PAK3: variants seen among roughly 807,000 people sequenced by gnomAD.
PAK3 encodes p21 (RAC1) activated kinase 3.
PAK3 carries 4 observed loss-of-function variants against 41.0 expected under a neutral mutation model. The ratio of observed to expected loss-of-function variants is 0.10; its 90% confidence interval spans 0.05 to 0.22. PAK3 has a LOEUF of 0.22. Among genes scored for constraint, PAK3 ranks in the 10% least tolerant of loss-of-function variants. PAK3 has a pLI of 1.00. For synonymous variants in PAK3, 146 were observed against 139.6 expected, an observed-to-expected ratio of 1.05 and a Z score of -0.32; for missense variants, 205 against 409.9, an observed-to-expected ratio of 0.50 and a Z score of 4.32.
chrX:110,996,570 G>T (rs2091743774), intron 1 of PAK3, among the ~76,000 whole-genome samples: 1 of 111,865 alleles, frequency 8.9e-6, no homozygotes, highest in Admixed American at 9.5e-5. Flanking sequence ...GAGGTCATGA[G>T]GGTGGGGCTT....
chrX:111,138,901 G>A (rs2093831102), intron 5 of PAK3, among the ~76,000 whole-genome samples: 1 of 110,590 alleles, frequency 9.0e-6, no homozygotes, highest in Admixed American at 9.7e-5. Context: ...CCGGGAGGCG[G>A]AGTTTGTAGT....
chrX:111,201,566 G>A lies in PAK3; in HGVS notation c.1407+4926G>A, dbSNP rs779658285. 2.7e-5 allele frequency among the ~76,000 whole-genome samples: 3 copies of A among 111,644 alleles called. No homozygotes were observed. The South Asian group carries it at 1.1e-3, about 42-fold the overall frequency. On this transcript the variant is annotated intron_variant, in intron 16 of 17. Coordinates refer to ENST00000372007, the MANE Select transcript of PAK3 (RefSeq NM_002578.5). ...AGGTAGAAGGAAGGAAGTGAAATAA[G>A]TGTAAGAAAGACAGAGTAGTAGAGT...
intron 6 of PAK3, among the ~76,000 whole-genome samples, chrX:111,143,611 C>A (rs1450197898): frequency 9.0e-6 from 1 of 111,098 alleles, no homozygotes; most frequent in Non-Finnish European, 1.9e-5. Flanking sequence ...GATACTCCAA[C>A]CTTGCTATTA....
At chrX:111,068,166 A>AT (rs2092714780) in intron 1 of PAK3, among the ~76,000 whole-genome samples, 1 of 111,151 alleles carries the variant, frequency 9.0e-6, no homozygotes, top group South Asian at 3.7e-4. Flanking sequence ...ATTTTTTCAT[A>AT]TTAGTATTTA....
At chrX:111,047,147 T>TATCTATATAC (rs1429698774) in intron 1 of PAK3, among the ~76,000 whole-genome samples, 1 of 112,344 alleles carries the variant, frequency 8.9e-6, no homozygotes, top group African/African-American at 3.2e-5. Context: ...TATCTGTATA[T>TATCTATATAC]AGAGGAAGCT....
chrX:110,983,480 C>CAGAGAGCGAGAG (rs2091482398), intron 1 of PAK3, among the ~76,000 whole-genome samples: 1 of 99,609 alleles, frequency 1.0e-5, no homozygotes, highest in African/African-American at 3.7e-5. Context: ...AAGAGAAAGA[C>CAGAGAGCGAGAG]AGAGAGAGAG....
intron 16 of PAK3, among the ~76,000 whole-genome samples, chrX:111,208,971 G>A (rs1247800977): frequency 1.8e-5 from 2 of 109,925 alleles, no homozygotes; most frequent in Admixed American, 1.9e-4. Flanking sequence ...TAGACAGTGG[G>A]CAATATACAA....
intron 1 of PAK3, among the ~76,000 whole-genome samples, chrX:110,971,094 A>G (rs999947842): frequency 8.9e-6 from 1 of 112,401 alleles, no homozygotes; most frequent in African/African-American, 3.2e-5. Context: ...TCAGCTTGAG[A>G]TAAGATTCAC....
intron 1 of PAK3, among the ~76,000 whole-genome samples, chrX:110,964,658 G>C (rs369613805): frequency 1.8e-5 from 2 of 112,222 alleles, no homozygotes; most frequent in East Asian, 5.6e-4. Flanking sequence ...GTAGTGAGTA[G>C]ATCTACAGAA....
chrX:110,964,908 GTGGCAGGCTCCATTCTTA>G (rs2091051927), intron 1 of PAK3, among the ~76,000 whole-genome samples: 1 of 111,319 alleles, frequency 9.0e-6, no homozygotes, highest in Non-Finnish European at 1.9e-5. Context: ...GCTGGTTGGC[GTGGCAGGCTCCATTCTTA>G]TGCTAACAAA....
chrX:111,204,975 G>A (rs1288137944), intron 16 of PAK3, among the ~76,000 whole-genome samples: 1 of 96,570 alleles, frequency 1.0e-5, no homozygotes, highest in Non-Finnish European at 2.0e-5. Flanking sequence ...ATCTAGGAGG[G>A]GCCAATGACT....
intron 1 of PAK3, among the ~76,000 whole-genome samples, chrX:111,082,520 G>T (rs908139379): frequency 1.6e-4 from 18 of 111,526 alleles, no homozygotes; most frequent in Non-Finnish European, 1.9e-5. Context: ...AGAAGACCTT[G>T]GGGGTGGGGT....
chrX:110,948,953 G>C, intron 1 of PAK3, among the ~76,000 whole-genome samples: 1 of 112,137 alleles, frequency 8.9e-6, no homozygotes. Flanking sequence ...AGCTACAAAT[G>C]CCTATGGAAG....
intron 1 of PAK3, among the ~76,000 whole-genome samples, chrX:111,072,032 A>T (rs935959814): frequency 8.9e-6 from 1 of 112,078 alleles, no homozygotes; most frequent in Admixed American, 9.5e-5. Context: ...GTCAGCAACC[A>T]TCTGCTCACC....
intron 8 of PAK3, among the ~76,000 whole-genome samples, chrX:111,154,243 C>T (rs1418141330): frequency 9.0e-6 from 1 of 110,795 alleles, no homozygotes; most frequent in Non-Finnish European, 1.9e-5. Context: ...ACAATATCCT[C>T]AACAGTACTG....
chrX:111,194,116 A>C (rs2094588554), intron 13 of PAK3, among the ~76,000 whole-genome samples, 185 bp from the exon 14 acceptor site: 1 of 111,728 alleles, frequency 9.0e-6, no homozygotes. Context: ...TGCCTGAATT[A>C]TAGGGCTCTG....
At chrX:110,974,818 A>G (rs2091293195) in intron 1 of PAK3, among the ~76,000 whole-genome samples, 1 of 112,101 alleles carries the variant, frequency 8.9e-6, no homozygotes, top group African/African-American at 3.2e-5. Context: ...ATGCAAATCA[A>G]TAAACATAAT....
chrX:111,191,971 A>G (rs1436861738), intron 11 of PAK3, among the ~76,000 whole-genome samples, 156 bp from the exon 12 acceptor site: 3 of 111,000 alleles, frequency 2.7e-5, no homozygotes, highest in Non-Finnish European at 5.7e-5. Flanking sequence ...TTTTTTAATC[A>G]CAATAATAAT....
rs949368811 is a variant in PAK3 at position 111,225,394 on chromosome X, TTAC to T, written c.*4949_*4951del. 9.2e-4 allele frequency: 103 copies of T among 112,231 alleles called. No homozygotes were observed. Among genetic ancestry groups the T allele is most frequent in the African/African-American group, 3.2e-3 (99 of 30,914 alleles). The allele number at this position is 112,231 out of a possible 1,213,427, so 9.2% of individuals were successfully genotyped here. A position where few individuals can be genotyped will look rare whatever the true frequency, so the allele number is the denominator to read the frequency against. ...GAGTATTCTATACAACTTGTAGCAT[TTAC>T]TGCCACTTAATTGGGTTGAACTTGC... On this transcript the variant is annotated 3_prime_UTR_variant, in exon 18 of 18. Coordinates refer to ENST00000372007, the MANE Select transcript of PAK3 (RefSeq NM_002578.5).
Sources: gnomAD v4.1 joint callset for allele counts (sites outside exome capture counted in the v4.1 genomes callset) on GRCh38, gnomAD v4.1.1 for gene constraint, MANE v1.5 for transcripts, NCBI Gene and HGNC (gene_info 2026-07-23, HGNC 2026-07-21) for gene names.